The following TANC2 variants were observed in gnomAD, a reference collection of about 807,000 sequenced individuals.
TANC2 encodes the protein tetratricopeptide repeat, ankyrin repeat and coiled-coil containing 2, also known as protein TANC2.
TANC2 carries 26 observed loss-of-function variants against 210.5 expected under a neutral mutation model. The ratio of observed to expected loss-of-function variants is 0.12; its 90% CI spans 0.09 to 0.17. The LOEUF (loss-of-function observed/expected upper bound fraction) is 0.17. TANC2 is among the 10% of genes least tolerant of loss of function. TANC2 has a pLI of 1.00. For missense variants in TANC2, 2,129 were observed against 2,608.9 expected (o/e 0.82, Z 4.01); for synonymous variants, 931 against 967.1 (o/e 0.96, Z 0.69).
intron 4 of TANC2, among the ~76,000 whole-genome samples, chr17:63,133,675 A>T (rs2038997294): frequency 6.6e-6 from 1 of 152,158 alleles, no homozygotes; most frequent in Non-Finnish European, 1.5e-5. Context: ...GAATTTATGT[A>T]ATTTTACCTA....
intron 8 of TANC2, among the ~76,000 whole-genome samples, chr17:63,261,007 G>A (rs1018069998): frequency 2.0e-5 from 3 of 152,074 alleles, no homozygotes; most frequent in Non-Finnish European, 4.4e-5. Context: ...CAAGTTACAA[G>A]GATCATTTGA....
intron 2 of TANC2, among the ~76,000 whole-genome samples, chr17:63,060,602 A>G (rs2035961444): frequency 6.9e-6 from 1 of 145,654 alleles, no homozygotes; most frequent in Non-Finnish European, 1.5e-5. Flanking sequence ...CCTGGGAGAT[A>G]AGAGCGAAAC....
At position 63,307,471 on chromosome 17, in the gene TANC2, A is replaced by G. The variant is rs2044958830; in HGVS notation, c.1160-6917A>G. Among the ~76,000 whole-genome samples, 3 of 152,156 alleles carry G rather than the reference A, an allele frequency of 2.0e-5. No homozygotes were observed. In the South Asian group the frequency reaches 6.2e-4, roughly 32 times the overall value. On this transcript the variant is annotated intron_variant, in intron 9 of 27. Coordinates refer to ENST00000689528, the Ensembl canonical transcript of TANC2. ...AAAATAATTATCAGCTAACTTGTCT[A>G]AGATATTCAGACCTTCATCCTACAC...
chr17:63,121,247 T>C (rs574537890), intron 4 of TANC2, among the ~76,000 whole-genome samples: 6 of 152,320 alleles, frequency 3.9e-5, no homozygotes, highest in African/African-American at 1.4e-4. Context: ...AGAAAACATT[T>C]TTACCACTGT....
rs1025226365 is a variant in TANC2, at chr17:62,966,867, A to C, written c.-24+118A>C. On this transcript the variant is annotated intron_variant, in intron 1 of 27. Coordinates refer to ENST00000689528, the Ensembl canonical transcript of TANC2. This position sits in a 1 kb window ranked among gnomAD's most constrained non-coding sequence, Gnocchi z 5.1. ...CGAGCGGGGAGACGGCGAAATGGGC[A>C]GCGAAGTGCCTCGGTGTCCAAGGCG... is the stretch of plus-strand genomic sequence containing the variant. 5.3e-5 allele frequency: 8 copies of C among 152,342 alleles called. No homozygotes were observed. Among genetic ancestry groups the C allele is most frequent in the African/African-American group, 1.7e-4 (7 of 41,450 alleles). 9.4% of individuals were successfully genotyped at this position (152,342 alleles called of 1,614,324 possible).
intron 5 of TANC2, among the ~76,000 whole-genome samples, chr17:63,186,849 A>C (rs1598561808): frequency 6.6e-6 from 1 of 152,252 alleles, no homozygotes; most frequent in South Asian, 2.1e-4. Context: ...AGCATAATGC[A>C]TGAGTGCTGT....
chr17:63,170,059 C>G (rs933662253), intron 5 of TANC2, among the ~76,000 whole-genome samples: 3 of 150,644 alleles, frequency 2.0e-5, no homozygotes, highest in Admixed American at 6.6e-5. Flanking sequence ...GCGGCACTTG[C>G]AGTGAGCGGA....
Position 62,974,091 on chromosome 17 carries a change from C to G in TANC2, c.-24+7342C>G, listed in dbSNP as rs546438582. Among the ~76,000 whole-genome samples the G allele has an allele frequency of 6.6e-5, 10 of 152,302 alleles. 1 individual carries two copies. In the South Asian group the frequency reaches 2.1e-3, roughly 32 times the overall value. On this transcript the variant is annotated intron_variant, in intron 1 of 27. Coordinates refer to ENST00000689528, the Ensembl canonical transcript of TANC2. ...ACATAGCCTGTGCCCATTAAGTGTT[C>G]GTTGAATATCATGAGTTGGAGATAT...
intron 26 of TANC2, 85 bp downstream of exon 26, chr17:63,415,759 A>C: frequency 1.3e-6 from 2 of 1,511,326 alleles, no homozygotes; most frequent in South Asian, 1.3e-5. Context: ...AGGCCCCTGA[A>C]ATCCTCCTCT....
intron 3 of TANC2, among the ~76,000 whole-genome samples, chr17:63,086,594 T>C (rs527739646): frequency 6.6e-6 from 1 of 152,132 alleles, no homozygotes; most frequent in South Asian, 2.1e-4. Flanking sequence ...TGTTATCTAC[T>C]TTTTTTCATG....
intron 7 of TANC2, among the ~76,000 whole-genome samples, chr17:63,234,337 A>G (rs533949802): frequency 6.6e-6 from 1 of 152,328 alleles, no homozygotes; most frequent in South Asian, 2.1e-4. Context: ...TTTCCCTAAA[A>G]GTAGGCAGTT....
intron 14 of TANC2, among the ~76,000 whole-genome samples, chr17:63,378,550 A>G (rs1301459263): frequency 6.6e-6 from 1 of 152,230 alleles, no homozygotes; most frequent in African/African-American, 2.4e-5. Flanking sequence ...TTTGTCCTCA[A>G]GCCAGCTGAC....
intron 9 of TANC2, among the ~76,000 whole-genome samples, chr17:63,270,204 C>T (rs1299914887): frequency 6.6e-6 from 1 of 151,964 alleles, no homozygotes; most frequent in Non-Finnish European, 1.5e-5. Context: ...AACAATAATC[C>T]TCTCTCAAAA....
chr17:63,327,778 GT>G (rs886959593), intron 11 of TANC2, among the ~76,000 whole-genome samples: 2 of 151,818 alleles, frequency 1.3e-5, no homozygotes, highest in Admixed American at 6.6e-5. Flanking sequence ...ATCATTCATG[GT>G]TTTTTTTATT....
At chr17:63,345,468 A>G (rs1285025566) in intron 12 of TANC2, among the ~76,000 whole-genome samples, 1 of 152,092 alleles carries the variant, frequency 6.6e-6, no homozygotes, top group Non-Finnish European at 1.5e-5. Context: ...AAAAATACAA[A>G]GTTAGCCGGG....
intron 1 of TANC2, among the ~76,000 whole-genome samples, chr17:63,001,534 T>TC (rs1055271663): frequency 4.0e-5 from 6 of 151,586 alleles, no homozygotes; most frequent in Middle Eastern, 3.4e-3. Flanking sequence ...TCTTTTCTTT[T>TC]TTTTTTTTCT....
chr17:63,173,206 G>T (rs920290161), intron 5 of TANC2, among the ~76,000 whole-genome samples: 1 of 152,134 alleles, frequency 6.6e-6, no homozygotes, highest in Non-Finnish European at 1.5e-5. Context: ...GGAAAAAAGA[G>T]AAATACATGA....
At chr17:63,189,511 T>A (rs2041115444) in intron 5 of TANC2, among the ~76,000 whole-genome samples, 2 of 152,250 alleles carry the variant, frequency 1.3e-5, no homozygotes, top group African/African-American at 4.8e-5. Context: ...TGACTAATTA[T>A]GTCAAACATC....
intron 1 of TANC2, among the ~76,000 whole-genome samples, chr17:62,994,071 A>C (rs1388382110): frequency 6.6e-6 from 1 of 152,162 alleles, no homozygotes; most frequent in East Asian, 1.9e-4. Flanking sequence ...ATAGAGACTG[A>C]GTTATTATTT....
Sources: allele counts gnomAD v4.1 joint callset (sites outside exome capture counted in the v4.1 genomes callset), GRCh38; gene constraint gnomAD v4.1.1; non-coding constraint Gnocchi (gnomAD v3.1); transcripts MANE v1.5; gene names NCBI Gene and HGNC (gene_info 2026-07-23, HGNC 2026-07-21).